The following GRHL1 variants were observed in gnomAD, a reference collection of about 807,000 sequenced individuals.
GRHL1 encodes grainyhead-like protein 1 homolog.
In GRHL1, 38 loss-of-function variants were observed where a neutral mutation model predicts 75.7. The ratio of observed to expected loss-of-function variants is 0.50; its 90% CI spans 0.39 to 0.66. GRHL1 has a LOEUF of 0.66. GRHL1 is among the 30% of genes least tolerant of loss of function. The pLI is 0.00. For synonymous variants in GRHL1, 266 were observed against 279.4 expected (o/e 0.95, Z 0.48); for missense variants, 589 against 767.5 (o/e 0.77, Z 2.75).
At chr2:9,967,212 T>G (rs1232820796) in intron 8 of GRHL1, among the ~76,000 whole-genome samples, 1 of 152,232 alleles carries the variant, frequency 6.6e-6, no homozygotes, top group African/African-American at 2.4e-5. Flanking sequence ...GTTCACTAGC[T>G]CAGTCCTTTC....
intron 9 of GRHL1, 85 bp downstream of exon 9, chr2:9,986,367 A>C (rs917652403): frequency 5.0e-6 from 4 of 795,064 alleles, no homozygotes; most frequent in African/African-American, 1.8e-5. Flanking sequence ...TTAATGTCAA[A>C]ATGAGAATAT....
Position 9,990,869 on chromosome 2 carries a change from C to A in GRHL1, c.1321+122C>A. On this transcript the variant is annotated intron_variant, in intron 10 of 15. Coordinates refer to ENST00000324907, the MANE Select transcript of GRHL1 (RefSeq NM_198182.3). The surrounding 1 kb of genome is among the most constrained non-coding windows in gnomAD (Gnocchi z 4.2). ...TTGCACGCAGAAGACAGTGGGTGTT[C>A]TTCCTGTTCTGCAGTGTGGCACTGC... 1.4e-6 allele frequency: 1 copy of A among 724,170 alleles called. No individual in the cohort carries two copies. The highest frequency in any genetic ancestry group is 1.8e-5 in the African/African-American group (1 of 56,810). 44.9% of individuals were successfully genotyped at this position (724,170 alleles called of 1,614,324 possible). A position where few individuals can be genotyped will look rare whatever the true frequency, so the allele number is the denominator to read the frequency against.
intron 9 of GRHL1, among the ~76,000 whole-genome samples, chr2:9,988,158 A>C (rs1668501262): frequency 6.6e-6 from 1 of 152,012 alleles, no homozygotes; most frequent in Admixed American, 6.5e-5. Context: ...ATCTCCTTGA[A>C]TTTTGTCCTG....
chr2:9,974,093 C>T (rs918505917), intron 8 of GRHL1, among the ~76,000 whole-genome samples: 2 of 152,326 alleles, frequency 1.3e-5, no homozygotes, highest in East Asian at 1.9e-4. Flanking sequence ...GCTCTCTATC[C>T]GTCACTGTGG....
chr2:9,985,663 C>T (rs1668386886), intron 8 of GRHL1, among the ~76,000 whole-genome samples: 1 of 152,198 alleles, frequency 6.6e-6, no homozygotes, highest in Non-Finnish European at 1.5e-5. Context: ...ACACTGATGT[C>T]ATAAGTTCTA....
intron 8 of GRHL1, among the ~76,000 whole-genome samples, chr2:9,976,850 T>TAA (rs1478083194): frequency 2.6e-5 from 4 of 152,354 alleles, no homozygotes; most frequent in African/African-American, 9.6e-5. Context: ...GAAATACTGT[T>TAA]ACAGGTGGGG....
intron 3 of GRHL1, chr2:9,959,584 T>C (rs1667179387): frequency 6.6e-6 from 1 of 152,238 alleles, no homozygotes; most frequent in Admixed American, 6.5e-5. Flanking sequence ...ATAATTATCC[T>C]TTGGAAGAGG....
intron 8 of GRHL1, among the ~76,000 whole-genome samples, chr2:9,975,181 T>C (rs1386703599): frequency 3.3e-5 from 5 of 152,152 alleles, no homozygotes; most frequent in African/African-American, 1.2e-4. Context: ...CAGCCCTAAG[T>C]CACAGAGGAG....
intron 15 of GRHL1, among the ~76,000 whole-genome samples, chr2:9,999,977 T>C (rs1444085658): frequency 6.6e-6 from 1 of 152,226 alleles, no homozygotes; most frequent in Non-Finnish European, 1.5e-5. Flanking sequence ...GTTAGTGTTA[T>C]TGATGTGCTT....
At chr2:9,962,913 A>T (rs1165409172) in intron 5 of GRHL1, among the ~76,000 whole-genome samples, 2 of 150,892 alleles carry the variant, frequency 1.3e-5, no homozygotes, top group South Asian at 4.2e-4. Context: ...TTTTTTTTTA[A>T]AATCAGCCTC....
intron 5 of GRHL1, among the ~76,000 whole-genome samples, 195 bp downstream of exon 5, chr2:9,962,726 T>C (rs1190420693): frequency 6.6e-6 from 1 of 152,184 alleles, no homozygotes; most frequent in Non-Finnish European, 1.5e-5. Context: ...TGTTTCAAGT[T>C]TCCTTAATTC....
At chr2:9,984,294 T>C (rs1304395663) in intron 8 of GRHL1, among the ~76,000 whole-genome samples, 1 of 152,178 alleles carries the variant, frequency 6.6e-6, no homozygotes, top group Non-Finnish European at 1.5e-5. Context: ...ACCCAGGGGC[T>C]AGAAGGAATC....
intron 8 of GRHL1, among the ~76,000 whole-genome samples, chr2:9,982,913 G>A (rs79586747): frequency 0.02 from 2,989 of 152,236 alleles, 39 homozygotes; most frequent in Non-Finnish European, 0.029. Flanking sequence ...AATCATAGAC[G>A]TCCAGAGGTA....
intron 3 of GRHL1, chr2:9,960,119 A>G (rs1056955818): frequency 6.6e-6 from 1 of 152,208 alleles, no homozygotes; most frequent in South Asian, 2.1e-4. Flanking sequence ...TACTGATGCA[A>G]TGTAACAATA....
chr2:9,955,233 T>TA, intron 2 of GRHL1, 132 bp downstream of exon 2: 1 of 621,898 alleles, frequency 1.6e-6, no homozygotes, highest in Non-Finnish European at 2.8e-6. Flanking sequence ...GTTTAATGAG[T>TA]ACTTTGACTT....
intron 15 of GRHL1, 146 bp from the exon 16 acceptor site, chr2:10,000,447 A>G (rs1159820722): frequency 1.6e-6 from 1 of 606,860 alleles, no homozygotes; most frequent in African/African-American, 1.8e-5. Flanking sequence ...CCCATTTTAT[A>G]GATGAGGAAG....
At position 9,999,003 on chromosome 2, in the gene GRHL1, GA is replaced by G; in HGVS notation, c.1720del (p.Ile574TyrfsTer11). The stretch of plus-strand genomic sequence containing the variant: ...ACGATGTTCCCCATGACAAGATTGG[GA>G]AAATATTCAAGAAGTGTAAAAAGGG... The part of the protein sequence containing the change: ...KYDVPHDKIG[K>X]IFKKCKKGIL... On this transcript the variant is annotated frameshift_variant, in exon 15 of 16. Coordinates refer to ENST00000324907, the MANE Select transcript of GRHL1 (RefSeq NM_198182.3). LOFTEE classifies it high-confidence loss of function. The G allele has an allele frequency of 1.3e-6, 2 of 1,581,738 alleles. No individual in the cohort carries two copies. The highest frequency in any genetic ancestry group is 3.5e-5 in the Admixed American group (2 of 57,162).
intron 8 of GRHL1, among the ~76,000 whole-genome samples, chr2:9,969,294 C>G (rs544693459): frequency 2.0e-5 from 3 of 152,314 alleles, no homozygotes; most frequent in African/African-American, 7.2e-5. Context: ...GGTGCCTCAC[C>G]TATGTCCATA....
chr2:9,984,528 G>T (rs731453), intron 8 of GRHL1, among the ~76,000 whole-genome samples: 36,098 of 152,086 alleles, frequency 0.24, 4,518 homozygotes, highest in Admixed American at 0.34. Context: ...TTAAGTAGCA[G>T]CTTCCAATGT....
Sources: gnomAD v4.1 joint callset for allele counts (sites outside exome capture counted in the v4.1 genomes callset) on GRCh38, gnomAD v4.1.1 for gene constraint, Gnocchi (gnomAD v3.1) non-coding constraint, MANE v1.5 for transcripts, NCBI Gene and HGNC (gene_info 2026-07-23, HGNC 2026-07-21) for gene names.